Variants in TMEM150C observed in about 807,000 individuals in gnomAD.
The protein encoded by TMEM150C is transmembrane protein 150C, also known as tentonin 3.
In TMEM150C, 10 loss-of-function variants were observed where a neutral mutation model predicts 29.9. The observed-to-expected ratio is 0.33, with a 90% confidence interval of 0.21 to 0.57. The LOEUF (loss-of-function observed/expected upper bound fraction) is 0.57. Among genes scored for constraint, TMEM150C ranks in the 20% least tolerant of loss-of-function variants. TMEM150C has a pLI of 0.88. For synonymous variants in TMEM150C, 101 were observed against 112.5 expected (o/e 0.90, Z 0.64); for missense variants, 251 against 303.6 (o/e 0.83, Z 1.29).
intron 1 of TMEM150C, among the ~76,000 whole-genome samples, chr4:82,522,275 A>G (rs1381914164): frequency 6.6e-6 from 1 of 152,184 alleles, no homozygotes; most frequent in African/African-American, 2.4e-5. Flanking sequence ...CAAGCGACCA[A>G]AGTGAAACAA....
chr4:82,538,817 T>G (rs1342119188), intron 1 of TMEM150C, among the ~76,000 whole-genome samples: 7 of 152,062 alleles, frequency 4.6e-5, no homozygotes, highest in Admixed American at 4.6e-4. Context: ...TCCCAGCACT[T>G]TGGGAGGCTG....
chr4:82,486,813 G>A (rs1429556188), intron 7 of TMEM150C, among the ~76,000 whole-genome samples: 5 of 152,072 alleles, frequency 3.3e-5, no homozygotes, highest in African/African-American at 1.2e-4. Context: ...GTATGTGTGT[G>A]TGTTGTGTGT....
At chr4:82,491,648 G>C in intron 6 of TMEM150C, 1 of 544,684 alleles carries the variant, frequency 1.8e-6, no homozygotes. Flanking sequence ...TTGGCAGCAG[G>C]AGGAGAGCGC....
chr4:82,562,030 C>A (rs892291566), upstream of TMEM150C: 15 of 1,155,138 alleles, frequency 1.3e-5, no homozygotes, highest in African/African-American at 1.7e-5. Context: ...GCTCACCCGC[C>A]CGCCCGGCCC....
chr4:82,509,400 C>T (rs994648365), intron 1 of TMEM150C, among the ~76,000 whole-genome samples: 2 of 152,096 alleles, frequency 1.3e-5, no homozygotes, highest in Non-Finnish European at 2.9e-5. Flanking sequence ...TGAAAATGTA[C>T]GATTTTGTGG....
intron 1 of TMEM150C, among the ~76,000 whole-genome samples, chr4:82,532,826 T>C (rs1360846016): frequency 6.6e-6 from 1 of 152,054 alleles, no homozygotes; most frequent in Non-Finnish European, 1.5e-5. Flanking sequence ...CCTCCTGGGT[T>C]CACGCCATTC....
chr4:82,485,887 C>T (rs529582302), intron 7 of TMEM150C, among the ~76,000 whole-genome samples, 168 bp from the exon 8 acceptor site: 3 of 152,278 alleles, frequency 2.0e-5, no homozygotes, highest in Non-Finnish European at 4.4e-5. Context: ...AATAAGTTAA[C>T]ATTATTGGGC....
At chr4:82,494,351 G>A (rs1305650202) in intron 6 of TMEM150C, among the ~76,000 whole-genome samples, 1 of 152,156 alleles carries the variant, frequency 6.6e-6, no homozygotes, top group African/African-American at 2.4e-5. Context: ...ATGCTTAAAG[G>A]TTGTGACCTT....
chr4:82,492,614 C>T (rs962045093), intron 6 of TMEM150C, among the ~76,000 whole-genome samples: 3 of 151,622 alleles, frequency 2.0e-5, no homozygotes, highest in African/African-American at 4.9e-5. Flanking sequence ...TAGATGTAAA[C>T]TCCCCAAATC....
intron 1 of TMEM150C, among the ~76,000 whole-genome samples, chr4:82,531,754 C>CAAAAAAAAAAAAAAAAAA (rs757992713): frequency 1.6e-5 from 1 of 62,290 alleles, no homozygotes; most frequent in Non-Finnish European, 3.4e-5. Context: ...GACTCTGTCT[C>CAAAAAAAAAAAAAAAAAA]AAAAAAAAAA....
intron 1 of TMEM150C, among the ~76,000 whole-genome samples, chr4:82,527,397 G>A (rs1348456415): frequency 6.6e-6 from 1 of 152,136 alleles, no homozygotes; most frequent in African/African-American, 2.4e-5. Context: ...CCTACTTGGT[G>A]TGGGGCATCT....
chr4:82,513,631 C>T (rs988720372), intron 1 of TMEM150C, among the ~76,000 whole-genome samples: 6 of 152,022 alleles, frequency 3.9e-5, no homozygotes, highest in Admixed American at 2.6e-4. Context: ...AGCCTCTACC[C>T]GGACTGATTT....
chr4:82,517,542 T>C (rs1193098115), intron 1 of TMEM150C, among the ~76,000 whole-genome samples: 3 of 152,208 alleles, frequency 2.0e-5, no homozygotes, highest in Admixed American at 6.5e-5. Context: ...ATGAATTCTC[T>C]CTTTTCTTGC....
At chr4:82,511,994 C>T (rs76200029) in intron 1 of TMEM150C, among the ~76,000 whole-genome samples, 9,833 of 152,262 alleles carry the variant, frequency 0.065, 423 homozygotes, top group East Asian at 0.085. Flanking sequence ...TTAGGGACAG[C>T]AATGTGCTCA....
At chr4:82,536,970 C>T (rs1273931648) in intron 1 of TMEM150C, among the ~76,000 whole-genome samples, 2 of 152,020 alleles carry the variant, frequency 1.3e-5, no homozygotes, top group Non-Finnish European at 2.9e-5. Context: ...TTTTGTTCAA[C>T]TTCAACAATT....
intron 1 of TMEM150C, among the ~76,000 whole-genome samples, chr4:82,549,305 G>A (rs6535356): frequency 0.35 from 53,479 of 152,070 alleles, 13,743 homozygotes; most frequent in African/African-American, 0.73. Flanking sequence ...ATGATGACAC[G>A]TACTACAACA....
chr4:82,538,340 G>A lies in TMEM150C; in HGVS notation c.-11+23566C>T, dbSNP rs1338457048. On this transcript the variant is annotated intron_variant, in intron 1 of 7. Coordinates refer to ENST00000449862, the MANE Select transcript of TMEM150C (RefSeq NM_001080506.3). ...CCCAAAGTGCTGGGATTACAGGCAT[G>A]AGCCGCCGCACCCAGCCTATGCATT... is the stretch of plus-strand genomic sequence containing the variant. 1.6e-4 allele frequency among the ~76,000 whole-genome samples: 24 copies of A among 152,172 alleles called. 1 individual carries two copies.
At position 82,561,926 on chromosome 4, in the gene TMEM150C, C is replaced by T. The variant is rs1267316943; in HGVS notation, c.-31G>A. On this transcript the variant is annotated 5_prime_UTR_variant, in exon 1 of 8. Coordinates refer to ENST00000449862, the MANE Select transcript of TMEM150C (RefSeq NM_001080506.3). Reference sequence around the variant, plus strand: ...CCTACCTGCTCTGGTGCGGCGGGGCCGCTGTCGCCTCGAGGGGCTGTGACC... The same window carrying T: ...CCTACCTGCTCTGGTGCGGCGGGGCTGCTGTCGCCTCGAGGGGCTGTGACC... The T allele has an allele frequency of 6.8e-6, 7 of 1,035,008 alleles. No individual in the cohort carries two copies. The highest frequency in any genetic ancestry group is 8.1e-6 in the Non-Finnish European group (7 of 859,256). 64.1% of individuals were successfully genotyped at this position (1,035,008 alleles called of 1,614,324 possible).
intron 1 of TMEM150C, among the ~76,000 whole-genome samples, chr4:82,507,778 TCG>T: frequency 8.1e-6 from 1 of 123,974 alleles, no homozygotes; most frequent in Non-Finnish European, 1.6e-5. Flanking sequence ...AGACACGATC[TCG>T]CTTTGTCACC....
Sources: gnomAD v4.1 joint callset for allele counts (sites outside exome capture counted in the v4.1 genomes callset) on GRCh38, gnomAD v4.1.1 for gene constraint, MANE v1.5 for transcripts, NCBI Gene and HGNC (gene_info 2026-07-23, HGNC 2026-07-21) for gene names.